Variants in CADM2 observed in about 807,000 individuals in gnomAD.
CADM2 encodes immunoglobulin superfamily member 4D.
Under a neutral mutation model 49.8 loss-of-function variants are expected in CADM2, and 12 were observed. The observed-to-expected ratio is 0.24, with a 90% confidence interval of 0.15 to 0.39. The LOEUF (loss-of-function observed/expected upper bound fraction) is 0.39, where lower values mean the gene tolerates loss of function less well. CADM2 is among the 10% of genes least tolerant of loss of function. The pLI is 1.00. For synonymous variants in CADM2, 214 were observed against 175.4 expected, an observed-to-expected ratio of 1.22 and a Z score of -1.74; for missense variants, 378 against 492.3, an observed-to-expected ratio of 0.77 and a Z score of 2.20.
At chr3:85,074,280 C>T (rs2036862171) in intron 1 of CADM2, among the ~76,000 whole-genome samples, 1 of 152,052 alleles carries the variant, frequency 6.6e-6, no homozygotes, top group Non-Finnish European at 1.5e-5. Context: ...GCATTGCTGA[C>T]TCCCACAACT....
At chr3:85,422,886 TC>T (rs1432753187) in intron 1 of CADM2, among the ~76,000 whole-genome samples, 2 of 152,048 alleles carry the variant, frequency 1.3e-5, no homozygotes, top group Admixed American at 6.6e-5. Context: ...TTTAGCCCTG[TC>T]ATCCGGTAAC....
At chr3:85,803,777 A>G (rs2072225341) in intron 3 of CADM2, among the ~76,000 whole-genome samples, 1 of 152,094 alleles carries the variant, frequency 6.6e-6, no homozygotes, top group Middle Eastern at 3.2e-3. Context: ...AATCTGCTTT[A>G]CTCAAAGTCT....
chr3:85,172,784 T>A lies in CADM2; in HGVS notation c.61+213116T>A, dbSNP rs183253344. 5.3e-5 allele frequency among the ~76,000 whole-genome samples: 8 copies of A among 150,278 alleles called. No individual in the cohort carries two copies. In the Admixed American group the frequency reaches 5.4e-4, roughly 10 times the overall value. On this transcript the variant is annotated intron_variant, in intron 1 of 9. Coordinates refer to ENST00000383699, the MANE Select transcript of CADM2 (RefSeq NM_001167675.2). ...CTGTTGTAATTGGTGGCTCTGCGCA[T>A]ATGGTGAAAGTTGAGCTTGAGAGGT...
At chr3:85,926,542 T>C (rs577315681) in intron 6 of CADM2, among the ~76,000 whole-genome samples, 3 of 152,284 alleles carry the variant, frequency 2.0e-5, no homozygotes, top group African/African-American at 7.2e-5. Context: ...TAAATTTAGT[T>C]TGGAAACTCT....
chr3:85,815,564 T>G (rs1577381050), intron 3 of CADM2, among the ~76,000 whole-genome samples: 1 of 152,184 alleles, frequency 6.6e-6, no homozygotes, highest in South Asian at 2.1e-4. Context: ...GCTAAAAAAT[T>G]TCAATAAACT....
intron 1 of CADM2, among the ~76,000 whole-genome samples, chr3:85,143,250 A>G (rs2039631760): frequency 6.6e-6 from 1 of 152,328 alleles, no homozygotes; most frequent in Non-Finnish European, 1.5e-5. Flanking sequence ...TCGGGGGCCA[A>G]GACAGAAGGA....
At chr3:85,185,907 G>T (rs768721264) in intron 1 of CADM2, among the ~76,000 whole-genome samples, 1 of 152,118 alleles carries the variant, frequency 6.6e-6, no homozygotes, top group African/African-American at 2.4e-5. Context: ...GTAAGTAATT[G>T]ATTATTCTTC....
intron 1 of CADM2, among the ~76,000 whole-genome samples, chr3:85,586,789 A>T (rs143899203): frequency 6.6e-6 from 1 of 152,212 alleles, no homozygotes; most frequent in East Asian, 1.9e-4. Context: ...ATCTCTGAAT[A>T]ACTTTATTAC....
At chr3:85,167,470 A>G (rs1286185631) in intron 1 of CADM2, among the ~76,000 whole-genome samples, 1 of 152,156 alleles carries the variant, frequency 6.6e-6, no homozygotes, top group Non-Finnish European at 1.5e-5. Context: ...AAAAGCAGGA[A>G]ACATTTGAAA....
At chr3:85,199,413 G>A (rs1383193888) in intron 1 of CADM2, among the ~76,000 whole-genome samples, 2 of 141,984 alleles carry the variant, frequency 1.4e-5, no homozygotes, top group Non-Finnish European at 3.0e-5. Context: ...CAGAGAAAAA[G>A]GAATAGACAA....
At chr3:84,965,684 C>G (rs1217054549) in intron 1 of CADM2, among the ~76,000 whole-genome samples, 1 of 152,086 alleles carries the variant, frequency 6.6e-6, no homozygotes, top group Non-Finnish European at 1.5e-5. Context: ...GACTTAATAA[C>G]TGTTGGGCTG....
chr3:85,556,743 T>G (rs2107152451), intron 1 of CADM2, among the ~76,000 whole-genome samples: 1 of 152,258 alleles, frequency 6.6e-6, no homozygotes, highest in Non-Finnish European at 1.5e-5. Flanking sequence ...GGAAATCATT[T>G]ACTGATCATT....
intron 1 of CADM2, among the ~76,000 whole-genome samples, chr3:85,045,594 G>T (rs750407074): frequency 6.6e-6 from 1 of 152,056 alleles, no homozygotes; most frequent in South Asian, 2.1e-4. Flanking sequence ...GAATAAGGCA[G>T]TATATGTGTA....
chr3:85,210,812 A>G (rs1473485156), intron 1 of CADM2, among the ~76,000 whole-genome samples: 1 of 152,126 alleles, frequency 6.6e-6, no homozygotes, highest in African/African-American at 2.4e-5. Context: ...AGAGTAGAAG[A>G]TTACAGGCAT....
Position 85,995,863 on chromosome 3 carries a change from G to A in CADM2, c.970+34216G>A, listed in dbSNP as rs147479737. ...CCAGCACTTTGGGAGGCCAAGGCGGGTGGATCACGAGGTCAGGAGATCAAG... is the reference window on the plus strand; with the variant it reads ...CCAGCACTTTGGGAGGCCAAGGCGGATGGATCACGAGGTCAGGAGATCAAG... On this transcript the variant is annotated intron_variant, in intron 8 of 9. Coordinates refer to ENST00000383699, the MANE Select transcript of CADM2 (RefSeq NM_001167675.2). Among the ~76,000 whole-genome samples, 432 of 152,220 alleles carry A rather than the reference G, an allele frequency of 2.8e-3. 3 individuals carry two copies. Among genetic ancestry groups the A allele is most frequent in the African/African-American group, 9.7e-3 (401 of 41,550 alleles).
intron 1 of CADM2, among the ~76,000 whole-genome samples, chr3:85,610,665 C>T (rs2063659109): frequency 6.6e-6 from 1 of 151,892 alleles, no homozygotes; most frequent in Non-Finnish European, 1.5e-5. Context: ...CAAATAATCT[C>T]ACTGTACTGA....
chr3:86,046,450 T>C (rs1736697832), intron 8 of CADM2, among the ~76,000 whole-genome samples: 1 of 152,184 alleles, frequency 6.6e-6, no homozygotes, highest in Admixed American at 6.5e-5. Context: ...TGATTGCTTC[T>C]GGACAGTCAG....
chr3:85,775,033 C>A (rs1404853278), intron 2 of CADM2, among the ~76,000 whole-genome samples: 1 of 151,642 alleles, frequency 6.6e-6, no homozygotes, highest in African/African-American at 2.4e-5. Context: ...CTTATATAAT[C>A]ATGAAGATAA....
intron 1 of CADM2, among the ~76,000 whole-genome samples, chr3:85,003,566 T>C (rs1576011542): frequency 2.0e-5 from 3 of 152,144 alleles, no homozygotes; most frequent in Admixed American, 2.0e-4. Context: ...AGTTAGCCAG[T>C]TTTATTATTA....
Sources: gnomAD v4.1 joint callset for allele counts (sites outside exome capture counted in the v4.1 genomes callset) on GRCh38, gnomAD v4.1.1 for gene constraint, MANE v1.5 for transcripts, NCBI Gene and HGNC (gene_info 2026-07-23, HGNC 2026-07-21) for gene names.